The following CD300A variants were observed in gnomAD, a reference collection of about 807,000 sequenced individuals.
The protein encoded by CD300A is CD300a molecule, also known as CMRF35-like molecule 8.
CD300A carries 22 observed loss-of-function variants against 33.6 expected under a neutral mutation model. That is an observed-to-expected ratio of 0.66 (90% CI 0.47 to 0.94). The LOEUF (loss-of-function observed/expected upper bound fraction) is 0.94. CD300A is among the 40% of genes least tolerant of loss of function. The probability of loss-of-function intolerance (pLI) is 0.00; values close to 1 mark genes in which losing one functional copy is unlikely to be tolerated. For synonymous variants in CD300A, 136 were observed against 148.1 expected (o/e 0.92, Z 0.59); for missense variants, 326 against 360.5 (o/e 0.90, Z 0.77).
chr17:74,475,688 C>G (rs1248304152), intron 3 of CD300A, among the ~76,000 whole-genome samples: 1 of 152,154 alleles, frequency 6.6e-6, no homozygotes, highest in Non-Finnish European at 1.5e-5. Flanking sequence ...AGAGTTAGTG[C>G]AGACCCCACA....
intron 1 of CD300A, among the ~76,000 whole-genome samples, chr17:74,469,197 T>G (rs1905927347): frequency 6.6e-6 from 1 of 151,966 alleles, no homozygotes; most frequent in Admixed American, 6.6e-5. Flanking sequence ...GGAAAGAATT[T>G]CTTAATAACA....
At chr17:74,482,288 G>A (rs2144541519) in intron 6 of CD300A, among the ~76,000 whole-genome samples, 1 of 152,076 alleles carries the variant, frequency 6.6e-6, no homozygotes, top group East Asian at 1.9e-4. Flanking sequence ...CCACCTGCTA[G>A]TGGGAGAGTT....
chr17:74,468,045 A>ATTTATTTT (rs959584546), intron 1 of CD300A, among the ~76,000 whole-genome samples: 6 of 132,896 alleles, frequency 4.5e-5, no homozygotes, highest in African/African-American at 2.0e-4. Flanking sequence ...TTATTTATTT[A>ATTTATTTT]TTTTTTGAGA....
chr17:74,466,674 G>C lies in CD300A; in HGVS notation c.-30G>C, dbSNP rs1014123818. The C allele has an allele frequency of 1.0e-5, 16 of 1,584,960 alleles. No individual in the cohort carries two copies. The highest frequency in any genetic ancestry group is 1.3e-5 in the African/African-American group (1 of 74,450). Reference sequence around the variant, plus strand: ...GGTCCAGGTAGGGCCTGGAGCTGCTGCAAGTGCCGCCTGTGCTGGGGAAGG... The same window carrying C: ...GGTCCAGGTAGGGCCTGGAGCTGCTCCAAGTGCCGCCTGTGCTGGGGAAGG... On this transcript the variant is annotated 5_prime_UTR_variant, in exon 1 of 7. Transcript: ENST00000360141.
chr17:74,482,181 T>C (rs1268358881), intron 6 of CD300A, among the ~76,000 whole-genome samples: 1 of 135,492 alleles, frequency 7.4e-6, no homozygotes, highest in Non-Finnish European at 1.6e-5. Flanking sequence ...CAATTCTGCT[T>C]TCGGGTTTTT....
At position 74,473,864 on chromosome 17, in the gene CD300A, C is replaced by T. The variant is rs767226033; in HGVS notation, c.369C>T (p.Ser123=). 1.9e-5 allele frequency: 31 copies of T among 1,609,392 alleles called. No homozygotes were observed. Among genetic ancestry groups the T allele is most frequent in the South Asian group, 1.3e-4 (12 of 91,012 alleles). The change falls in exon 2 of 7, where the codon TCC becomes TCT. Residue 123 remains serine, a synonymous_variant. Coordinates refer to ENST00000360141, the MANE Select transcript of CD300A (RefSeq NM_007261.4). ...ATCCCGTTGTCGAGGTTGAGGTGTC[C>T]GTGTTCCCGGGTGAGCCCCTCCTTC... ...FHDPVVEVEV[S]VFPASTSMTP...
chr17:74,470,921 G>A (rs1233337199), intron 1 of CD300A, among the ~76,000 whole-genome samples: 1 of 151,604 alleles, frequency 6.6e-6, no homozygotes, highest in East Asian at 1.9e-4. Context: ...CAAAGTGCTA[G>A]GATTACAGGC....
At chr17:74,482,709 T>G (rs2014917) in intron 6 of CD300A, among the ~76,000 whole-genome samples, 1 of 114,018 alleles carries the variant, frequency 8.8e-6, no homozygotes, top group African/African-American at 4.9e-5. Context: ...TTTCTTTCTT[T>G]CTTTCTTTCT....
chr17:74,467,738 G>C (rs761761983), intron 1 of CD300A, among the ~76,000 whole-genome samples: 2 of 152,162 alleles, frequency 1.3e-5, no homozygotes, highest in Non-Finnish European at 2.9e-5. Context: ...ACTTGGAAAC[G>C]GGTCATCCTC....
chr17:74,482,723 T>TTTCGTTCTTTCG (rs1906976389), intron 6 of CD300A, among the ~76,000 whole-genome samples: 2 of 129,978 alleles, frequency 1.5e-5, no homozygotes, highest in African/African-American at 6.4e-5. Context: ...TCTTTCTTTC[T>TTTCGTTCTTTCG]TTCTTTCTTT....
At chr17:74,474,758 C>CCCA in intron 3 of CD300A, 73 bp downstream of exon 3, 1 of 1,503,480 alleles carries the variant, frequency 6.7e-7, no homozygotes, top group Non-Finnish European at 9.1e-7. Flanking sequence ...GGGACCTTGG[C>CCCA]CATGTGGGCC....
chr17:74,467,011 AC>A (rs1905755655), intron 1 of CD300A: 3 of 1,354,722 alleles, frequency 2.2e-6, no homozygotes. Flanking sequence ...CAGAAAAGGG[AC>A]CTTTTAGGTT....
chr17:74,466,786 G>A, intron 1 of CD300A, 43 bp downstream of exon 1: 6 of 1,564,616 alleles, frequency 3.8e-6, no homozygotes, highest in African/African-American at 2.7e-5. Context: ...CAGGGAGGGA[G>A]GGTGCGAGGG....
In CD300A at chr17:74,473,638, A is replaced by T. The variant is rs774688479; in HGVS notation, c.143A>T (p.Tyr48Phe). ...AAGGAACACAGGACCCTCAACAAAT[A>T]CTGGTGCAGACCACCACAGATTTTC... ...YEKEHRTLNK[Y>F]WCRPPQIFLC... The change falls in exon 2 of 7, where the codon TAC (tyrosine) becomes TTC (phenylalanine). Residue 48 changes from tyrosine to phenylalanine, a missense_variant. Coordinates refer to ENST00000360141, the MANE Select transcript of CD300A (RefSeq NM_007261.4). 1 of 1,614,152 alleles carries T rather than the reference A, an allele frequency of 6.2e-7. No homozygotes were observed.
At position 74,480,897 on chromosome 17, in the gene CD300A, T is replaced by G. The variant is rs867041443; in HGVS notation, c.629-392T>G. On this transcript the variant is annotated intron_variant, in intron 4 of 6. Coordinates refer to ENST00000360141, the MANE Select transcript of CD300A (RefSeq NM_007261.4). This position sits in a 1 kb window ranked among gnomAD's most constrained non-coding sequence, Gnocchi z 4.2. ...CAAGTAGCTGGGACTACAGGGCGTGTGCCACCATGCCCAGCTAATATTTGT... is the reference window on the plus strand; with the variant it reads ...CAAGTAGCTGGGACTACAGGGCGTGGGCCACCATGCCCAGCTAATATTTGT... 1.3e-5 allele frequency among the ~76,000 whole-genome samples: 2 copies of G among 152,178 alleles called. No individual in the cohort carries two copies. The highest frequency in any genetic ancestry group is 2.4e-5 in the African/African-American group (1 of 41,452).
At chr17:74,473,920 T>C in intron 2 of CD300A, 46 bp downstream of exon 2, 1 of 1,580,654 alleles carries the variant, frequency 6.3e-7, no homozygotes, top group Non-Finnish European at 8.6e-7. Context: ...CAGGTTGGAA[T>C]TGTTGGGGCA....
At chr17:74,483,306 A>G (rs1305991720) in intron 6 of CD300A, among the ~76,000 whole-genome samples, 1 of 150,890 alleles carries the variant, frequency 6.6e-6, no homozygotes, top group Non-Finnish European at 1.5e-5. Flanking sequence ...GCAGAAAGGG[A>G]TCCATGGCTG....
intron 1 of CD300A, among the ~76,000 whole-genome samples, chr17:74,468,257 C>G (rs1418727293): frequency 6.6e-6 from 1 of 152,154 alleles, no homozygotes; most frequent in African/African-American, 2.4e-5. Flanking sequence ...TGGTCTCAAA[C>G]TCCCAACCTC....
chr17:74,477,314 C>A, intron 3 of CD300A, 122 bp from the exon 4 acceptor site: 1 of 629,748 alleles, frequency 1.6e-6, no homozygotes, highest in Non-Finnish European at 2.7e-6. Context: ...ATCACCACTG[C>A]ACTCCAGCCT....
Sources: allele counts gnomAD v4.1 joint callset (sites outside exome capture counted in the v4.1 genomes callset), GRCh38; gene constraint gnomAD v4.1.1; non-coding constraint Gnocchi (gnomAD v3.1); transcripts MANE v1.5; gene names NCBI Gene and HGNC (gene_info 2026-07-23, HGNC 2026-07-21).